SCN8A: variants seen among roughly 807,000 people sequenced by gnomAD.
SCN8A encodes sodium voltage-gated channel alpha subunit 8, also known as sodium channel protein type 8 subunit alpha.
A neutral mutation model predicts 184.1 loss-of-function variants in SCN8A; 30 were observed. That is an observed-to-expected ratio of 0.16 (90% CI 0.12 to 0.22). The LOEUF (loss-of-function observed/expected upper bound fraction) is 0.22. SCN8A is among the 10% of genes least tolerant of loss of function. The pLI is 1.00. For missense variants in SCN8A, 1,057 were observed against 2,498.9 expected (o/e 0.42, Z 12.30); for synonymous variants, 852 against 907.0 (o/e 0.94, Z 1.09).
intron 26 of SCN8A, among the ~76,000 whole-genome samples, chr12:51,803,946 A>G (rs1274797084): frequency 1.3e-5 from 2 of 152,112 alleles, no homozygotes; most frequent in Non-Finnish European, 2.9e-5. Flanking sequence ...AGCCTTCTGC[A>G]GTTAACTGCC....
intron 2 of SCN8A, among the ~76,000 whole-genome samples, chr12:51,678,110 C>T (rs1319455403): frequency 2.0e-5 from 3 of 152,196 alleles, no homozygotes; most frequent in Non-Finnish European, 2.9e-5. Flanking sequence ...TGATTACAAA[C>T]GTTTAATCAG....
chr12:51,730,543 C>T (rs1461494626), intron 12 of SCN8A, among the ~76,000 whole-genome samples: 1 of 152,012 alleles, frequency 6.6e-6, no homozygotes, highest in Non-Finnish European at 1.5e-5. Context: ...TTTGCATGTC[C>T]TTAGAAAATT....
At chr12:51,710,835 A>G (rs997912363) in intron 11 of SCN8A, among the ~76,000 whole-genome samples, 1 of 152,116 alleles carries the variant, frequency 6.6e-6, no homozygotes, top group Non-Finnish European at 1.5e-5. Flanking sequence ...TATGTTTTAT[A>G]TGTACCTCTT....
chr12:51,637,426 T>A (rs1194050806), intron 1 of SCN8A, among the ~76,000 whole-genome samples: 1 of 152,178 alleles, frequency 6.6e-6, no homozygotes, highest in Non-Finnish European at 1.5e-5. Flanking sequence ...AACCAAGTTG[T>A]TAATGCAAAG....
chr12:51,634,653 A>ATTTTTTT (rs1269981442), intron 1 of SCN8A, among the ~76,000 whole-genome samples: 1 of 62,502 alleles, frequency 1.6e-5, no homozygotes, highest in African/African-American at 4.8e-5. Context: ...TATTATTATT[A>ATTTTTTT]TTATTTTTTT....
chr12:51,686,368 A>G lies in SCN8A; in HGVS notation c.396A>G (p.Ser132=), dbSNP rs1269635449. Residue 132 remains serine (S), a splice_region_variant and synonymous_variant, in exon 4 of 27, where the codon TCA becomes TCG. Coordinates refer to ENST00000627620, the MANE Select transcript of SCN8A (RefSeq NM_001330260.2). ...ATATTGCCCCTTGACTCTTCTCTAC[A>G]GTATTTAGCATGATCATTATGTGCA... The part of the protein sequence containing the change: ...RRIAIKILIH[S]VFSMIIMCTI... The G allele has an allele frequency of 4.4e-6, 7 of 1,601,614 alleles. No homozygotes were observed. Among genetic ancestry groups the G allele is most frequent in the Non-Finnish European group, 4.3e-6 (5 of 1,169,400 alleles).
intron 14 of SCN8A, among the ~76,000 whole-genome samples, chr12:51,759,609 G>T (rs1942732884): frequency 6.6e-6 from 1 of 152,150 alleles, no homozygotes; most frequent in South Asian, 2.1e-4. Context: ...CCACAGATGG[G>T]GGGTACTTCT....
intron 1 of SCN8A, among the ~76,000 whole-genome samples, chr12:51,607,351 AAAT>A (rs1335230690): frequency 6.6e-6 from 1 of 152,222 alleles, no homozygotes; most frequent in East Asian, 1.9e-4. Flanking sequence ...TTTTCAAGGT[AAAT>A]GATCATATCG....
At chr12:51,609,184 A>G (rs958962184) in intron 1 of SCN8A, among the ~76,000 whole-genome samples, 2 of 152,134 alleles carry the variant, frequency 1.3e-5, no homozygotes, top group African/African-American at 4.8e-5. Context: ...AGTTCTATAC[A>G]TTGTTGAATA....
Position 51,699,735 on chromosome 12 carries a change from G to A in SCN8A, c.872G>A (p.Ser291Asn), listed in dbSNP as rs1941652665. 6.2e-7 allele frequency: 1 copy of A among 1,613,964 alleles called. No homozygotes were observed. The highest frequency in any genetic ancestry group is 8.5e-7 in the Non-Finnish European group (1 of 1,179,882). The change falls in exon 7 of 27, where the codon AGC becomes AAC. Residue 291 changes from serine to asparagine, a missense_variant. This residue lies in a region of SCN8A where 26 missense variants were observed against 44.4 expected (regional missense o/e 0.59). Transcript: ENST00000627620. Reference protein sequence around the residue: ...CVVWPINFNESYLENGTKGFD... With the variant: ...CVVWPINFNENYLENGTKGFD... ...GTGTGGCCCATAAACTTCAACGAGA[G>A]CTATCTTGAAAATGGCACCAAAGGC...
At chr12:51,602,548 T>G (rs1274465519) in intron 1 of SCN8A, among the ~76,000 whole-genome samples, 1 of 152,208 alleles carries the variant, frequency 6.6e-6, no homozygotes, top group Admixed American at 6.5e-5. Flanking sequence ...TGTACCACAA[T>G]GCATGTACTT....
At chr12:51,677,170 A>G (rs375116608) in intron 2 of SCN8A, among the ~76,000 whole-genome samples, 10 of 151,230 alleles carry the variant, frequency 6.6e-5, no homozygotes, top group African/African-American at 2.4e-4. Context: ...TGCAGTTTCA[A>G]CCTCCTAGGC....
intron 2 of SCN8A, among the ~76,000 whole-genome samples, chr12:51,668,655 G>C (rs1034475487): frequency 1.3e-5 from 2 of 152,106 alleles, no homozygotes; most frequent in African/African-American, 4.8e-5. Flanking sequence ...TTAGCCCCCT[G>C]TATTGTATCT....
At chr12:51,670,655 C>T (rs948572748) in intron 2 of SCN8A, among the ~76,000 whole-genome samples, 4 of 151,830 alleles carry the variant, frequency 2.6e-5, no homozygotes, top group Non-Finnish European at 4.4e-5. Flanking sequence ...GTGAATGGGA[C>T]GACAATATGT....
intron 2 of SCN8A, among the ~76,000 whole-genome samples, chr12:51,677,525 A>G (rs369213755): frequency 1.3e-5 from 2 of 152,132 alleles, no homozygotes; most frequent in East Asian, 3.8e-4. Flanking sequence ...CATTTGCAGT[A>G]TGCTAGGATT....
chr12:51,616,665 A>G (rs1049551051), intron 1 of SCN8A, among the ~76,000 whole-genome samples: 1 of 152,076 alleles, frequency 6.6e-6, no homozygotes, highest in African/African-American at 2.4e-5. Flanking sequence ...CCTGCTTGTC[A>G]TCTCCGCACT....
chr12:51,626,582 A>G (rs527737920), intron 1 of SCN8A, among the ~76,000 whole-genome samples: 3 of 152,306 alleles, frequency 2.0e-5, no homozygotes, highest in Non-Finnish European at 2.9e-5. Context: ...TTGAATATCT[A>G]CCATGCACCA....
At chr12:51,617,538 C>T (rs1206407599) in intron 1 of SCN8A, among the ~76,000 whole-genome samples, 1 of 152,140 alleles carries the variant, frequency 6.6e-6, no homozygotes, top group Non-Finnish European at 1.5e-5. Flanking sequence ...CTTCTTTGAG[C>T]ATACTTAGAA....
At chr12:51,751,238 G>A (rs1442416945) in intron 13 of SCN8A, 117 bp from the exon 14 acceptor site, 8 of 719,536 alleles carry the variant, frequency 1.1e-5, no homozygotes, top group African/African-American at 3.5e-5. Context: ...GAATGTCAGC[G>A]CTCAAAACAA....
Sources: allele counts gnomAD v4.1 joint callset (sites outside exome capture counted in the v4.1 genomes callset), GRCh38; gene constraint gnomAD v4.1.1; regional missense constraint gnomAD v4.1.1; transcripts MANE v1.5; gene names NCBI Gene and HGNC (gene_info 2026-07-23, HGNC 2026-07-21).